The following PRKCQ variants were observed in gnomAD, a reference collection of about 807,000 sequenced individuals.
The protein encoded by PRKCQ is protein kinase C theta.
PRKCQ carries 41 observed loss-of-function variants against 91.2 expected under a neutral mutation model. The observed-to-expected ratio is 0.45, with a 90% CI of 0.35 to 0.58. PRKCQ has a LOEUF of 0.58. Ranked by LOEUF, PRKCQ falls within the 20% of genes least tolerant of loss-of-function variation. PRKCQ has a pLI of 0.00. For missense variants in PRKCQ, 673 were observed against 896.5 expected, an observed-to-expected ratio of 0.75 and a Z score of 3.18; for synonymous variants, 307 against 316.9, an observed-to-expected ratio of 0.97 and a Z score of 0.33.
At chr10:6,472,534 T>C (rs1291472961) in intron 12 of PRKCQ, among the ~76,000 whole-genome samples, 1 of 152,216 alleles carries the variant, frequency 6.6e-6, no homozygotes, top group Non-Finnish European at 1.5e-5. Context: ...TAAAAGGTGT[T>C]AGAATTCCTA....
chr10:6,577,036 TTTG>T (rs146977177), intron 1 of PRKCQ, among the ~76,000 whole-genome samples: 1,946 of 152,278 alleles, frequency 0.013, 42 homozygotes, highest in African/African-American at 0.044. Flanking sequence ...TTTCATTGGT[TTTG>T]TTGATGCTGA....
Position 6,486,051 on chromosome 10 carries a change from A to G in PRKCQ, c.884T>C (p.Ile295Thr), listed in dbSNP as rs1187548346. The change falls in exon 9 of 18, where the codon ATT (isoleucine) becomes ACT (threonine). Residue 295 changes from isoleucine (I) to threonine (T), a missense_variant. Transcript: ENST00000263125. ...QKLMAEALAM[I>T]ESTQQARCLR... ...TGCTCCTACCTGTTGAGTGCTCTCA[A>G]TCATGGCCAGCGCTTCAGCCATTAG... 9.9e-6 allele frequency: 16 copies of G among 1,613,868 alleles called. No individual in the cohort carries two copies. Among genetic ancestry groups the G allele is most frequent in the Admixed American group, 1.7e-5 (1 of 60,004 alleles).
chr10:6,412,617 AAGAT>A, the PRKCQ span, among the ~76,000 whole-genome samples: 3 of 152,244 alleles, frequency 2.0e-5, no homozygotes, highest in African/African-American at 7.2e-5. Context: ...ATTCACAACA[AAGAT>A]AGAATTTTAA....
chr10:6,528,339 G>GGAACTGCT (rs1379685814), intron 1 of PRKCQ, among the ~76,000 whole-genome samples: 5 of 152,062 alleles, frequency 3.3e-5, no homozygotes, highest in Admixed American at 2.0e-4. Context: ...TCATGTTGCA[G>GGAACTGCT]GATCTGCTGA....
At chr10:6,432,721 G>A (rs11258762) in intron 16 of PRKCQ, among the ~76,000 whole-genome samples, 27,290 of 152,042 alleles carry the variant, frequency 0.18, 3,160 homozygotes, top group Non-Finnish European at 0.24. Flanking sequence ...TCGGGTCCTC[G>A]GCTGGCATTC....
chr10:6,421,481 C>T, the PRKCQ span, among the ~76,000 whole-genome samples: 1 of 152,166 alleles, frequency 6.6e-6, no homozygotes, highest in Non-Finnish European at 1.5e-5. This position sits in a 1 kb window ranked among gnomAD's most constrained non-coding sequence, Gnocchi z 4.1. Flanking sequence ...TGAGGCCTGT[C>T]TCAAAGAAAG....
Position 6,462,382 on chromosome 10 carries a change from C to A in PRKCQ, c.1446-17G>T, listed in dbSNP as rs776841870. 1.2e-6 allele frequency: 2 copies of A among 1,610,878 alleles called. No individual in the cohort carries two copies. The highest frequency in any genetic ancestry group is 2.2e-5 in the South Asian group (2 of 90,754). On this transcript the variant is annotated splice_polypyrimidine_tract_variant and intron_variant, in intron 13 of 17. Coordinates refer to ENST00000263125, the MANE Select transcript of PRKCQ (RefSeq NM_006257.5). The stretch of plus-strand genomic sequence containing the variant: ...GCATAAAACCTGGGGGAAGGAGAAC[C>A]AAGGTTCAACATGAATGTTGTCATG...
chr10:6,548,034 A>G (rs1020103438), intron 1 of PRKCQ, among the ~76,000 whole-genome samples: 3 of 152,118 alleles, frequency 2.0e-5, no homozygotes, highest in Admixed American at 6.5e-5. Flanking sequence ...ACAAATTTAC[A>G]AGAAAAAAAC....
At chr10:6,577,345 G>C (rs1230502356) in intron 1 of PRKCQ, among the ~76,000 whole-genome samples, 2 of 152,048 alleles carry the variant, frequency 1.3e-5, no homozygotes, top group East Asian at 1.9e-4. Flanking sequence ...CATCTCTCTG[G>C]TTCAACATCA....
chr10:6,483,942 G>A (rs1322247570), intron 10 of PRKCQ, among the ~76,000 whole-genome samples: 1 of 152,152 alleles, frequency 6.6e-6, no homozygotes, highest in Non-Finnish European at 1.5e-5. Context: ...CCACATCAAG[G>A]ACATCTAGGG....
In PRKCQ at chr10:6,559,460, G is replaced by C. The variant is rs553064242; in HGVS notation, c.-10+20751C>G. ...TGCAATTTCCACCTCCTGGGTTCAA[G>C]AGATTCTCCTGCCTCAGCCTCCTGA... On this transcript the variant is annotated intron_variant, in intron 1 of 17. Coordinates refer to ENST00000263125, the MANE Select transcript of PRKCQ (RefSeq NM_006257.5). Among the ~76,000 whole-genome samples the C allele has an allele frequency of 5.7e-4, 87 of 152,280 alleles. 1 individual carries two copies. The highest frequency in any genetic ancestry group is 1.2e-3 in the Admixed American group (19 of 15,300).
chr10:6,395,587 T>A, the PRKCQ span, among the ~76,000 whole-genome samples: 1 of 152,162 alleles, frequency 6.6e-6, no homozygotes, highest in East Asian at 1.9e-4. Context: ...TAATTTCTAA[T>A]CTTGTGGCTA....
chr10:6,451,348 A>T (rs1834664607), intron 15 of PRKCQ, among the ~76,000 whole-genome samples: 2 of 152,228 alleles, frequency 1.3e-5, no homozygotes, highest in African/African-American at 4.8e-5. Context: ...AAATTCCTCG[A>T]CATATACACT....
intron 12 of PRKCQ, among the ~76,000 whole-genome samples, chr10:6,470,124 C>A (rs1204653543): frequency 3.3e-5 from 5 of 152,188 alleles, no homozygotes; most frequent in African/African-American, 1.2e-4. Context: ...ATTGTCTGTT[C>A]CTCCTCCATG....
intron 14 of PRKCQ, 142 bp downstream of exon 14, chr10:6,462,161 T>C: frequency 1.4e-6 from 1 of 722,582 alleles, no homozygotes; most frequent in East Asian, 2.5e-5. Flanking sequence ...ATCCATGTAA[T>C]CATTGTGGGC....
At chr10:6,558,015 G>A (rs1840489676) in intron 1 of PRKCQ, among the ~76,000 whole-genome samples, 1 of 152,104 alleles carries the variant, frequency 6.6e-6, no homozygotes, top group African/African-American at 2.4e-5. Flanking sequence ...GATTCCAATA[G>A]ATGTTTAATT....
At chr10:6,409,604 T>C in the PRKCQ span, among the ~76,000 whole-genome samples, 3 of 152,202 alleles carry the variant, frequency 2.0e-5, no homozygotes, top group African/African-American at 4.8e-5. Context: ...CTCTTTTTCA[T>C]TTTACATACA....
At chr10:6,544,089 T>C (rs1588404996) in intron 1 of PRKCQ, among the ~76,000 whole-genome samples, 1 of 152,176 alleles carries the variant, frequency 6.6e-6, no homozygotes, top group East Asian at 1.9e-4. Flanking sequence ...ACCTTTACCA[T>C]CTTTTGAAGA....
chr10:6,500,780 A>G (rs1354145056), intron 4 of PRKCQ, among the ~76,000 whole-genome samples: 2 of 152,166 alleles, frequency 1.3e-5, no homozygotes, highest in African/African-American at 2.4e-5. Context: ...AGTCAATCAA[A>G]TTACAAGTTT....
Sources: allele counts gnomAD v4.1 joint callset (sites outside exome capture counted in the v4.1 genomes callset), GRCh38; gene constraint gnomAD v4.1.1; non-coding constraint Gnocchi (gnomAD v3.1); transcripts MANE v1.5; gene names NCBI Gene and HGNC (gene_info 2026-07-23, HGNC 2026-07-21).